The following NR1I2 variants were observed in gnomAD, a reference collection of about 807,000 sequenced individuals.
NR1I2 encodes the protein nuclear receptor subfamily 1 group I member 2.
NR1I2 carries 42 observed loss-of-function variants against 43.3 expected under a neutral mutation model. The observed-to-expected ratio is 0.97, with a 90% CI of 0.76 to 1.26. The LOEUF (loss-of-function observed/expected upper bound fraction) is 1.26, where lower values mean the gene tolerates loss of function less well. Ranked by LOEUF, NR1I2 falls within the 50% of genes most tolerant of loss-of-function variation. NR1I2 has a pLI of 0.00. For synonymous variants in NR1I2, 229 were observed against 215.0 expected (o/e 1.06, Z -0.57); for missense variants, 559 against 566.7 (o/e 0.99, Z 0.14).
chr3:119,789,874 G>T (rs2054892911), intron 1 of NR1I2, among the ~76,000 whole-genome samples: 1 of 152,108 alleles, frequency 6.6e-6, no homozygotes, highest in East Asian at 1.9e-4. Flanking sequence ...CATTTATTTG[G>T]TGATGTTCTT....
chr3:119,813,300 T>A (rs1227025297), intron 5 of NR1I2, among the ~76,000 whole-genome samples: 1 of 152,134 alleles, frequency 6.6e-6, no homozygotes, highest in Non-Finnish European at 1.5e-5. Flanking sequence ...GTACTCTCCC[T>A]TAAAGGGGCA....
At chr3:119,792,598 C>G in intron 1 of NR1I2, 1 of 659,218 alleles carries the variant, frequency 1.5e-6, no homozygotes, top group Non-Finnish European at 2.7e-6. Flanking sequence ...AGGCCACAGC[C>G]CCAGTGATTC....
chr3:119,816,606 G>A (rs1362490824), intron 8 of NR1I2, among the ~76,000 whole-genome samples: 2 of 152,166 alleles, frequency 1.3e-5, no homozygotes, highest in African/African-American at 4.8e-5. Context: ...GGATCCCTTG[G>A]GGCCAGGAGT....
At position 119,811,136 on chromosome 3, in the gene NR1I2, G is replaced by A. The variant is rs112203638; in HGVS notation, c.332-403G>A. 9.8e-3 allele frequency: 1,747 copies of A among 177,544 alleles called. 39 individuals carry two copies. The highest frequency in any genetic ancestry group is 0.037 in the African/African-American group (1,586 of 42,340). 11.0% of individuals were successfully genotyped at this position (177,544 alleles called of 1,614,324 possible). On this transcript the variant is annotated intron_variant, in intron 3 of 8. Transcript: ENST00000393716. ...GCAAGGTCTCATTTAACAGCGGTGC[G>A]AGGTAAACACGGTTTCTCCGGATCA... is the stretch of plus-strand genomic sequence containing the variant.
At chr3:119,796,615 TCTC>T (rs1259644631) in intron 1 of NR1I2, among the ~76,000 whole-genome samples, 1 of 152,162 alleles carries the variant, frequency 6.6e-6, no homozygotes, top group Non-Finnish European at 1.5e-5. Context: ...TCTTTCAAAT[TCTC>T]CTCCATTGCT....
rs748782694 is a variant in NR1I2, at chr3:119,812,741, C to T, written c.575C>T (p.Ser192Leu). 1.2e-5 allele frequency: 19 copies of T among 1,614,032 alleles called. No individual in the cohort carries two copies. The highest frequency in any genetic ancestry group is 9.3e-5 in the African/African-American group (7 of 74,912). The change falls in exon 5 of 9, where the codon TCG (serine) becomes TTG (leucine). Residue 192 changes from serine (S) to leucine (L), a missense_variant. Around this residue, in one of 3 missense-constraint regions of NR1I2, gnomAD observed 323 missense variants for 312.2 expected, o/e 1.03. Transcript: ENST00000393716. ...TTGCCAGAGTCTCTGCAGGCCCCAT[C>T]GAGGGAAGAAGCTGCCAAGTGGAGC...
intron 1 of NR1I2, among the ~76,000 whole-genome samples, chr3:119,786,983 T>C (rs2054850872): frequency 1.3e-5 from 2 of 151,978 alleles, no homozygotes; most frequent in African/African-American, 4.8e-5. Flanking sequence ...AGAATCAGAA[T>C]AAGGGAAAAG....
intron 8 of NR1I2, 52 bp from the exon 9 acceptor site, chr3:119,817,016 T>C: frequency 6.2e-7 from 1 of 1,612,804 alleles, no homozygotes; most frequent in Non-Finnish European, 8.5e-7. Flanking sequence ...GCCCTGAGGC[T>C]TGTGGGTCAG....
intron 1 of NR1I2, among the ~76,000 whole-genome samples, chr3:119,783,991 A>C (rs73854706): frequency 0.16 from 24,752 of 152,184 alleles, 2,173 homozygotes; most frequent in Middle Eastern, 0.2. Context: ...TAGATATTTA[A>C]GCTTTTCCAA....
rs138409236 is a variant in NR1I2 at position 119,811,748 on chromosome 3, C to T, written c.519+22C>T. ...CCGGGTAGGAGGAACTGCACAGTGA[C>T]CCGAGGTGTCACTGCCATCTTCATT... On this transcript the variant is annotated intron_variant, in intron 4 of 8. Coordinates refer to ENST00000393716, the MANE Select transcript of NR1I2 (RefSeq NM_003889.4). The T allele has an allele frequency of 9.0e-4, 1,431 of 1,585,206 alleles. 13 individuals are homozygous for T. In the African/African-American group the frequency reaches 0.017, roughly 19 times the overall value.
intron 1 of NR1I2, chr3:119,803,058 T>G (rs1390552191): frequency 2.3e-6 from 1 of 428,556 alleles, no homozygotes; most frequent in Non-Finnish European, 4.7e-6. Context: ...AGAGGCCGGG[T>G]GTGGTGGCTC....
At chr3:119,804,183 A>T (rs1398381320) in intron 1 of NR1I2, among the ~76,000 whole-genome samples, 3 of 150,896 alleles carry the variant, frequency 2.0e-5, no homozygotes, top group Non-Finnish European at 3.0e-5. Flanking sequence ...CATCCTGGCC[A>T]ACATGGTGAA....
chr3:119,791,782 G>A (rs974459151), intron 1 of NR1I2: 5 of 445,958 alleles, frequency 1.1e-5, no homozygotes, highest in Non-Finnish European at 2.2e-5. Flanking sequence ...GTGGAGTTCA[G>A]AGTGGAAACA....
chr3:119,801,904 G>A (rs1255376873), intron 1 of NR1I2, among the ~76,000 whole-genome samples: 1 of 152,162 alleles, frequency 6.6e-6, no homozygotes, highest in East Asian at 1.9e-4. Flanking sequence ...CTCTTCACAT[G>A]GCCTCTCCGC....
rs745423296 is a variant in NR1I2, at chr3:119,815,806, T to G, written c.1135T>G (p.Cys379Gly). Reference sequence around the variant, plus strand: ...CATTACTCTGAAGTCCTACATTGAATGCAATCGGCCCCAGCCTGCTCATAG... The same window carrying G: ...CATTACTCTGAAGTCCTACATTGAAGGCAATCGGCCCCAGCCTGCTCATAG... Residue 379 changes from cysteine to glycine, a missense_variant, in exon 8 of 9, where the codon TGC becomes GGC. Physicochemically the swap from Cys to Gly is radical, Grantham distance 159. Around this residue, in one of 3 missense-constraint regions of NR1I2, gnomAD observed 323 missense variants for 312.2 expected, o/e 1.03. Coordinates refer to ENST00000393716, the MANE Select transcript of NR1I2 (RefSeq NM_003889.4). The G allele has an allele frequency of 4.8e-5, 78 of 1,612,412 alleles. No individual in the cohort carries two copies. The highest frequency in any genetic ancestry group is 6.5e-5 in the Non-Finnish European group (77 of 1,179,384).
intron 1 of NR1I2, among the ~76,000 whole-genome samples, chr3:119,793,506 C>A (rs185264293): frequency 6.6e-6 from 1 of 152,342 alleles, no homozygotes; most frequent in East Asian, 1.9e-4. Flanking sequence ...AGTTTCCTCA[C>A]CTCTTCCAGC....
intron 2 of NR1I2, among the ~76,000 whole-genome samples, chr3:119,809,852 C>T (rs558662237): frequency 6.6e-6 from 1 of 152,284 alleles, no homozygotes; most frequent in South Asian, 2.1e-4. Context: ...GGTCTCCTCC[C>T]CGGCTCTGCC....
chr3:119,815,068 A>G lies in NR1I2; in HGVS notation c.884A>G (p.Glu295Gly). ...AGATTCAACACAGTGTTCAACGCGG[A>G]GACTGGAACCTGGGAGTGTGGCCGG... Residue 295 changes from glutamate (E) to glycine (G), a missense_variant, in exon 6 of 9, where the codon GAG (glutamate) becomes GGG (glycine). Physicochemically the swap from Glu to Gly is moderately conservative, Grantham distance 98 (BLOSUM62 -2). Transcript: ENST00000393716. 1.2e-6 allele frequency: 2 copies of G among 1,614,070 alleles called. No individual in the cohort carries two copies. The highest frequency in any genetic ancestry group is 1.7e-6 in the Non-Finnish European group (2 of 1,180,026).
chr3:119,798,221 TTGTTTC>T, intron 1 of NR1I2, among the ~76,000 whole-genome samples: 1 of 152,218 alleles, frequency 6.6e-6, no homozygotes. Flanking sequence ...TCTTTTTTGT[TTGTTTC>T]TGTGCTTCGG....
Sources: allele counts gnomAD v4.1 joint callset (sites outside exome capture counted in the v4.1 genomes callset), GRCh38; gene constraint gnomAD v4.1.1; regional missense constraint gnomAD v4.1.1; transcripts MANE v1.5; gene names NCBI Gene and HGNC (gene_info 2026-07-23, HGNC 2026-07-21).